The following MCF2L2 variants were observed in gnomAD, a reference collection of about 807,000 sequenced individuals.
The protein encoded by MCF2L2 is MCF.2 cell line derived transforming sequence-like 2.
Under a neutral mutation model 150.2 loss-of-function variants are expected in MCF2L2, and 102 were observed. That is an observed-to-expected ratio of 0.68 (90% CI 0.58 to 0.80). The LOEUF (loss-of-function observed/expected upper bound fraction) is 0.80, where lower values mean the gene tolerates loss of function less well. MCF2L2 is among the 30% of genes least tolerant of loss of function. The probability of loss-of-function intolerance (pLI) is 0.00; values close to 1 mark genes in which losing one functional copy is unlikely to be tolerated. For missense variants in MCF2L2, 1,256 were observed against 1,372.8 expected (o/e 0.91, Z 1.34); for synonymous variants, 465 against 491.3 (o/e 0.95, Z 0.71).
intron 5 of MCF2L2, among the ~76,000 whole-genome samples, chr3:183,327,707 G>A (rs1440499706): frequency 6.6e-6 from 1 of 152,138 alleles, no homozygotes; most frequent in Non-Finnish European, 1.5e-5. Flanking sequence ...CTCCCTGTCT[G>A]TTATTTAGGC....
At position 183,318,054 on chromosome 3, in the gene MCF2L2, C is replaced by T. The variant is rs1304093486; in HGVS notation, c.753+14G>A. 2 of 1,612,092 alleles carry T rather than the reference C, an allele frequency of 1.2e-6. No homozygotes were observed. Among genetic ancestry groups the T allele is most frequent in the Non-Finnish European group, 1.7e-6 (2 of 1,179,234 alleles). The stretch of plus-strand genomic sequence containing the variant: ...GCACAGACACTGGCCTCTGAGAGGT[C>T]ACTGACCGCTCACCTGCAGCTTGTC... On this transcript the variant is annotated intron_variant, in intron 7 of 29. Transcript: ENST00000328913.
At chr3:183,338,996 C>T in intron 4 of MCF2L2, 77 bp from the exon 5 acceptor site, 1 of 1,419,204 alleles carries the variant, frequency 7.0e-7, no homozygotes, top group Non-Finnish European at 9.5e-7. Context: ...TTGGTCTCCC[C>T]TTGCCCAAGA....
intron 15 of MCF2L2, among the ~76,000 whole-genome samples, chr3:183,250,553 CT>C (rs1176297755): frequency 2.7e-5 from 4 of 150,534 alleles, no homozygotes; most frequent in Admixed American, 6.6e-5. Context: ...TGCCACTGCA[CT>C]CCAGCCTGGG....
At chr3:183,206,511 T>C (rs1722478227) in intron 23 of MCF2L2, among the ~76,000 whole-genome samples, 1 of 152,218 alleles carries the variant, frequency 6.6e-6, no homozygotes, top group African/African-American at 2.4e-5. Flanking sequence ...TCCTTCAACG[T>C]GTATTTTACA....
At chr3:183,366,070 G>C (rs575169243) in intron 3 of MCF2L2, among the ~76,000 whole-genome samples, 1 of 152,008 alleles carries the variant, frequency 6.6e-6, no homozygotes, top group Non-Finnish European at 1.5e-5. Flanking sequence ...ATAGTGAAAA[G>C]AATTCTAAGC....
intron 6 of MCF2L2, among the ~76,000 whole-genome samples, chr3:183,321,255 T>C (rs1729797280): frequency 6.6e-6 from 1 of 152,100 alleles, no homozygotes; most frequent in South Asian, 2.1e-4. Flanking sequence ...CTGGCCAACA[T>C]GGTGAAACCT....
At chr3:183,295,507 C>G (rs776312478) in intron 12 of MCF2L2, 30 bp from the exon 13 acceptor site, 23 of 1,608,920 alleles carry the variant, frequency 1.4e-5, no homozygotes. Context: ...TCATGATGAA[C>G]AGGTCTCTCT....
intron 3 of MCF2L2, among the ~76,000 whole-genome samples, chr3:183,360,014 T>A (rs535790895): frequency 6.6e-6 from 1 of 152,296 alleles, no homozygotes; most frequent in African/African-American, 2.4e-5. Context: ...CATTAACCAA[T>A]GATGAAATAG....
chr3:183,349,110 A>G (rs528130677), intron 3 of MCF2L2, among the ~76,000 whole-genome samples: 1 of 152,240 alleles, frequency 6.6e-6, no homozygotes, highest in Non-Finnish European at 1.5e-5. Context: ...ACATGATGCT[A>G]ATCATAGAGG....
At chr3:183,246,346 T>C (rs1463755949) in intron 15 of MCF2L2, among the ~76,000 whole-genome samples, 2 of 152,204 alleles carry the variant, frequency 1.3e-5, no homozygotes, top group Non-Finnish European at 2.9e-5. Flanking sequence ...CATGACCTCA[T>C]TCTCCACCTC....
At chr3:183,350,866 G>T (rs4859114) in intron 3 of MCF2L2, among the ~76,000 whole-genome samples, 17,391 of 150,924 alleles carry the variant, frequency 0.12, 1,657 homozygotes, top group African/African-American at 0.25. Flanking sequence ...ATAGCGCCAC[G>T]GCACTCCAGC....
chr3:183,405,756 G>T (rs904922152), intron 1 of MCF2L2, among the ~76,000 whole-genome samples: 11 of 152,050 alleles, frequency 7.2e-5, no homozygotes, highest in African/African-American at 2.7e-4. Context: ...TCACTCTGTC[G>T]CCCAGTTGGA....
intron 3 of MCF2L2, among the ~76,000 whole-genome samples, chr3:183,351,234 A>ATATATTTATTTATT (rs1553786140): frequency 3.3e-5 from 2 of 60,466 alleles, no homozygotes; most frequent in Non-Finnish European, 5.8e-5. Flanking sequence ...ATATATATAT[A>ATATATTTATTTATT]TATTTATTTA....
rs779201489 is a variant in MCF2L2, at chr3:183,402,451, C to CAA, written c.77-12674_77-12673dup. Among the ~76,000 whole-genome samples the CAA allele has an allele frequency of 1.4e-3, 77 of 54,732 alleles. 2 individuals carry two copies. In the Middle Eastern group the frequency reaches 0.038, roughly 27 times the overall value. The allele number at this position is 54,732 out of a possible 152,430, so 35.9% of individuals were successfully genotyped here. On this transcript the variant is annotated intron_variant, in intron 1 of 29. Transcript: ENST00000328913. ...CCTGGGCTACAGAGCGAGACTCCAT[C>CAA]AAAAAAAAAAAAAAAAAAAAAAGAA...
At position 183,384,725 on chromosome 3, in the gene MCF2L2, G is replaced by A. The variant is rs139721791; in HGVS notation, c.160+4971C>T. Among the ~76,000 whole-genome samples the A allele has an allele frequency of 2.5e-3, 383 of 152,190 alleles. 5 individuals are homozygous for A. Among genetic ancestry groups the A allele is most frequent in the South Asian group, 4.6e-3 (22 of 4,820 alleles). On this transcript the variant is annotated intron_variant, in intron 2 of 29. Transcript: ENST00000328913. ...CAAACCTCCAGTATCCCACACAACC[G>A]GCTCTGCATGAATTACTCTTTCTCT...
chr3:183,427,143 T>C (rs1716203334), intron 1 of MCF2L2, among the ~76,000 whole-genome samples: 1 of 152,164 alleles, frequency 6.6e-6, no homozygotes, highest in Non-Finnish European at 1.5e-5. Context: ...ATGTGTGTCT[T>C]TACTGAGGGA....
intron 25 of MCF2L2, 134 bp from the exon 26 acceptor site, chr3:183,195,389 G>A: frequency 1.7e-6 from 1 of 602,702 alleles, no homozygotes; most frequent in Non-Finnish European, 2.9e-6. Context: ...TGTAGGTCTT[G>A]ATCATATTTT....
At chr3:183,385,852 C>T (rs1193048663) in intron 2 of MCF2L2, among the ~76,000 whole-genome samples, 1 of 152,198 alleles carries the variant, frequency 6.6e-6, no homozygotes, top group Non-Finnish European at 1.5e-5. Context: ...AAGCAGAAGG[C>T]AGCCAAGAGT....
intron 6 of MCF2L2, 76 bp downstream of exon 6, chr3:183,323,159 T>G: frequency 4.8e-6 from 5 of 1,048,082 alleles, no homozygotes; most frequent in Non-Finnish European, 5.7e-6. Flanking sequence ...TCCTGGCAGT[T>G]GATCTTTAAC....
Sources: allele counts gnomAD v4.1 joint callset (sites outside exome capture counted in the v4.1 genomes callset), GRCh38; gene constraint gnomAD v4.1.1; transcripts MANE v1.5; gene names NCBI Gene and HGNC (gene_info 2026-07-23, HGNC 2026-07-21).